SIPA1L1: variants seen among roughly 807,000 people sequenced by gnomAD.
SIPA1L1 encodes the protein signal-induced proliferation-associated 1-like protein 1.
Under a neutral mutation model 162.7 loss-of-function variants are expected in SIPA1L1, and 26 were observed. That is an observed-to-expected ratio of 0.16 (90% CI 0.12 to 0.22). The LOEUF (loss-of-function observed/expected upper bound fraction) is 0.22, where lower values mean the gene tolerates loss of function less well. SIPA1L1 is among the 10% of genes least tolerant of loss of function. The pLI, the probability that SIPA1L1 is intolerant of heterozygous loss-of-function variation, is 1.00. For missense variants in SIPA1L1, 1,874 were observed against 2,241.0 expected, an observed-to-expected ratio of 0.84 and a Z score of 3.31; for synonymous variants, 829 against 837.4, an observed-to-expected ratio of 0.99 and a Z score of 0.17.
intron 2 of SIPA1L1, among the ~76,000 whole-genome samples, chr14:71,474,418 A>T (rs36528): frequency 2.6e-4 from 39 of 151,994 alleles, no homozygotes; most frequent in Admixed American, 2.4e-3. Flanking sequence ...TGGGAGATAC[A>T]GTCCTTTGCA....
chr14:71,361,947 G>A (rs539147737), intron 2 of SIPA1L1, among the ~76,000 whole-genome samples: 8 of 152,280 alleles, frequency 5.3e-5, no homozygotes, highest in East Asian at 1.9e-4. Context: ...AGTTAAATGC[G>A]TCACACTAGC....
rs374529956 is a variant in SIPA1L1, at chr14:71,688,287, G to C, written c.3374+2656G>C. Among the ~76,000 whole-genome samples, 16 of 152,300 alleles carry C rather than the reference G, an allele frequency of 1.1e-4. No individual in the cohort carries two copies. The East Asian group carries it at 2.3e-3, about 22-fold the overall frequency. On this transcript the variant is annotated intron_variant, in intron 13 of 23. Coordinates refer to ENST00000381232, the MANE Select transcript of SIPA1L1 (RefSeq NM_001386936.1). Reference sequence around the variant, plus strand: ...AGGAAATGCCCATTGGAGGATTTCAGATATTCGGATTAGGGATGCTCAACT... The same window carrying C: ...AGGAAATGCCCATTGGAGGATTTCACATATTCGGATTAGGGATGCTCAACT...
At chr14:71,356,035 C>G (rs2037208962) in intron 2 of SIPA1L1, among the ~76,000 whole-genome samples, 1 of 152,164 alleles carries the variant, frequency 6.6e-6, no homozygotes, top group African/African-American at 2.4e-5. Flanking sequence ...CACTGTGGAA[C>G]AAGCCTGCTG....
chr14:71,729,989 C>A (rs2084614164), intron 19 of SIPA1L1, 66 bp from the exon 20 acceptor site: 13 of 1,563,288 alleles, frequency 8.3e-6, no homozygotes, highest in Non-Finnish European at 6.1e-6. Flanking sequence ...CCACCCTCCC[C>A]CAACCTTGGT....
intron 4 of SIPA1L1, among the ~76,000 whole-genome samples, chr14:71,544,194 TATGC>T (rs2054889402): frequency 6.6e-6 from 1 of 151,066 alleles, no homozygotes; most frequent in African/African-American, 2.4e-5. Flanking sequence ...TATATATACA[TATGC>T]ATGTATGCAC....
chr14:71,688,300 G>A (rs767072237), intron 13 of SIPA1L1, among the ~76,000 whole-genome samples: 1 of 152,174 alleles, frequency 6.6e-6, no homozygotes, highest in Non-Finnish European at 1.5e-5. Context: ...ATTCGGATTA[G>A]GGATGCTCAA....
intron 4 of SIPA1L1, among the ~76,000 whole-genome samples, chr14:71,587,150 A>G (rs1018138635): frequency 1.3e-5 from 2 of 152,182 alleles, no homozygotes; most frequent in South Asian, 4.1e-4. Flanking sequence ...ACTTTTGTCA[A>G]AAAACTCTGT....
intron 7 of SIPA1L1, among the ~76,000 whole-genome samples, chr14:71,647,466 A>G (rs143508201): frequency 3.9e-5 from 6 of 151,998 alleles, no homozygotes; most frequent in East Asian, 1.9e-4. Context: ...GCCTCTATCT[A>G]TGAAGTTTTA....
intron 2 of SIPA1L1, among the ~76,000 whole-genome samples, chr14:71,481,421 G>T (rs962694169): frequency 6.6e-6 from 1 of 152,164 alleles, no homozygotes; most frequent in African/African-American, 2.4e-5. Flanking sequence ...AGAGGTTGCA[G>T]TGAACTGAGA....
intron 4 of SIPA1L1, among the ~76,000 whole-genome samples, chr14:71,585,935 C>T (rs559354647): frequency 6.6e-5 from 10 of 152,076 alleles, no homozygotes; most frequent in African/African-American, 2.2e-4. Flanking sequence ...TTGATATCCT[C>T]GGAAGCAACA....
intron 2 of SIPA1L1, among the ~76,000 whole-genome samples, chr14:71,401,483 C>G (rs1237828162): frequency 6.7e-6 from 1 of 150,178 alleles, no homozygotes; most frequent in Non-Finnish European, 1.5e-5. Flanking sequence ...TTGTTCAACT[C>G]TGCAGTTATA....
intron 12 of SIPA1L1, among the ~76,000 whole-genome samples, chr14:71,680,715 A>C (rs1405470608): frequency 2.6e-5 from 4 of 152,226 alleles, no homozygotes; most frequent in South Asian, 4.1e-4. Context: ...GGGAAGAATC[A>C]AATAGATGCA....
intron 2 of SIPA1L1, among the ~76,000 whole-genome samples, chr14:71,334,440 A>T (rs1284530199): frequency 6.6e-6 from 1 of 152,066 alleles, no homozygotes; most frequent in African/African-American, 2.4e-5. Context: ...TTTCTCTTTG[A>T]TCCCTCCTGC....
chr14:71,345,723 A>T (rs1244833125), intron 2 of SIPA1L1, among the ~76,000 whole-genome samples: 2 of 150,362 alleles, frequency 1.3e-5, no homozygotes, highest in African/African-American at 4.9e-5. Flanking sequence ...GCCCGCCATC[A>T]CTCCCGGCTA....
intron 2 of SIPA1L1, among the ~76,000 whole-genome samples, chr14:71,443,892 G>A (rs1320925936): frequency 6.6e-6 from 1 of 152,182 alleles, no homozygotes; most frequent in Non-Finnish European, 1.5e-5. Context: ...ACTTGCATAG[G>A]AATCCCCCTC....
chr14:71,726,580 CA>C (rs984870323), intron 19 of SIPA1L1, among the ~76,000 whole-genome samples: 2 of 152,132 alleles, frequency 1.3e-5, no homozygotes, highest in African/African-American at 4.8e-5. Context: ...CTTTTATTTC[CA>C]AAATGAATTA....
At chr14:71,338,305 C>T (rs2035301839) in intron 2 of SIPA1L1, among the ~76,000 whole-genome samples, 2 of 152,164 alleles carry the variant, frequency 1.3e-5, no homozygotes, top group South Asian at 4.1e-4. Context: ...AGTCAAAAGT[C>T]CATCAAGTGG....
chr14:71,344,893 T>A (rs558741278), intron 2 of SIPA1L1, among the ~76,000 whole-genome samples: 1 of 152,268 alleles, frequency 6.6e-6, no homozygotes, highest in South Asian at 2.1e-4. Context: ...TCTAGTGTCT[T>A]TCTCTTGGAT....
intron 7 of SIPA1L1, among the ~76,000 whole-genome samples, chr14:71,632,525 C>T (rs1278864832): frequency 1.3e-5 from 2 of 152,172 alleles, no homozygotes; most frequent in African/African-American, 2.4e-5. Context: ...TTAGAGAAGG[C>T]TAAGTGAGGA....
Sources: allele counts gnomAD v4.1 joint callset (sites outside exome capture counted in the v4.1 genomes callset), GRCh38; gene constraint gnomAD v4.1.1; transcripts MANE v1.5; gene names NCBI Gene and HGNC (gene_info 2026-07-23, HGNC 2026-07-21).